Variants in POC1B observed in about 807,000 individuals in gnomAD.
POC1B encodes POC1 centriolar protein B, also known as POC1 centriolar protein homolog B.
A neutral mutation model predicts 60.6 loss-of-function variants in POC1B; 44 were observed. The ratio of observed to expected loss-of-function variants is 0.73; its 90% CI spans 0.57 to 0.93. The LOEUF (loss-of-function observed/expected upper bound fraction) is 0.93, where lower values mean the gene tolerates loss of function less well. Ranked by LOEUF, POC1B falls within the 40% of genes least tolerant of loss-of-function variation. POC1B has a pLI of 0.00. For missense variants in POC1B, 555 were observed against 572.3 expected, an observed-to-expected ratio of 0.97 and a Z score of 0.31; for synonymous variants, 180 against 198.9, an observed-to-expected ratio of 0.90 and a Z score of 0.80.
chr12:89,503,636 C>T (rs1289562984), intron 2 of POC1B, among the ~76,000 whole-genome samples: 2 of 150,590 alleles, frequency 1.3e-5, no homozygotes, highest in Non-Finnish European at 3.0e-5. Flanking sequence ...ATGTGGGGAG[C>T]GCCTCTGCCC....
At chr12:89,486,438 G>A (rs1337729903) in intron 4 of POC1B, among the ~76,000 whole-genome samples, 2 of 151,976 alleles carry the variant, frequency 1.3e-5, no homozygotes, top group Non-Finnish European at 2.9e-5. Context: ...AAAGGCACAA[G>A]GCAAAAAGGG....
intron 4 of POC1B, among the ~76,000 whole-genome samples, chr12:89,487,764 G>T (rs190164359): frequency 9.9e-4 from 151 of 152,130 alleles, no homozygotes; most frequent in African/African-American, 3.5e-3. Context: ...TTCCCTCTTC[G>T]CACCTGACAA....
chr12:89,428,857 T>C (rs1390745080), intron 10 of POC1B: 1 of 152,158 alleles, frequency 6.6e-6, no homozygotes, highest in African/African-American at 2.4e-5. Flanking sequence ...AGCCCGGCTG[T>C]ATGCAGATTT....
At chr12:89,437,407 A>G (rs753145433) in intron 10 of POC1B, among the ~76,000 whole-genome samples, 19 of 152,104 alleles carry the variant, frequency 1.2e-4, no homozygotes, top group Non-Finnish European at 2.2e-4. Flanking sequence ...TGCTGAGGCA[A>G]ACCTGAAATG....
chr12:89,508,070 C>T (rs1391318491), intron 2 of POC1B, among the ~76,000 whole-genome samples: 1 of 152,208 alleles, frequency 6.6e-6, no homozygotes, highest in Non-Finnish European at 1.5e-5. Flanking sequence ...TTCTCCTTCC[C>T]AGAAGCAACC....
At chr12:89,488,930 G>C (rs1398491377) in intron 4 of POC1B, among the ~76,000 whole-genome samples, 1 of 152,160 alleles carries the variant, frequency 6.6e-6, no homozygotes, top group East Asian at 1.9e-4. Context: ...CTGGCTCACA[G>C]TGGGGGCTAA....
At chr12:89,515,881 A>G (rs1436407220) in intron 2 of POC1B, among the ~76,000 whole-genome samples, 1 of 152,010 alleles carries the variant, frequency 6.6e-6, no homozygotes, top group Admixed American at 6.6e-5. Context: ...TCCTTATTCA[A>G]TTATAATCCC....
intron 2 of POC1B, among the ~76,000 whole-genome samples, chr12:89,499,405 C>G (rs962789996): frequency 1.3e-5 from 2 of 152,152 alleles, no homozygotes; most frequent in African/African-American, 2.4e-5. Context: ...ACAATGCTCA[C>G]TACCTGGGTG....
In POC1B at chr12:89,469,391, A is replaced by T. The variant is rs187031278; in HGVS notation, c.810+970T>A. Among the ~76,000 whole-genome samples, 6 of 152,368 alleles carry T rather than the reference A, an allele frequency of 3.9e-5. No individual in the cohort carries two copies. In the East Asian group the frequency reaches 7.7e-4, roughly 20 times the overall value. On this transcript the variant is annotated intron_variant, in intron 7 of 11. Coordinates refer to ENST00000313546, the MANE Select transcript of POC1B (RefSeq NM_172240.3). The stretch of plus-strand genomic sequence containing the variant: ...ATTGAGAAATAAGACAAAGGAATAC[A>T]GCACATAAGAATCGAAATATCACCT...
At chr12:89,466,968 C>G in intron 8 of POC1B, 46 bp from the exon 9 acceptor site, 1 of 1,549,666 alleles carries the variant, frequency 6.5e-7, no homozygotes, top group Non-Finnish European at 8.8e-7. Context: ...CTTGCATGTA[C>G]AAGCAATAGA....
At chr12:89,419,453 C>T (rs1438001010), downstream of POC1B, among the ~76,000 whole-genome samples, 1 of 152,154 alleles carries the variant, frequency 6.6e-6, no homozygotes, top group Non-Finnish European at 1.5e-5. Flanking sequence ...AACTATGTGG[C>T]AACATCAGGT....
At chr12:89,507,290 A>C (rs930927521) in intron 2 of POC1B, among the ~76,000 whole-genome samples, 5 of 150,836 alleles carry the variant, frequency 3.3e-5, no homozygotes, top group African/African-American at 9.7e-5. Flanking sequence ...AAAAAAAAAA[A>C]AACTATGAAA....
chr12:89,425,458 C>G (rs1880724195), intron 10 of POC1B, 79 bp from the exon 11 acceptor site: 2 of 1,159,930 alleles, frequency 1.7e-6, no homozygotes, highest in Admixed American at 2.8e-5. Flanking sequence ...TAAAATATTC[C>G]TCTTCTAAAA....
intron 10 of POC1B, among the ~76,000 whole-genome samples, chr12:89,438,848 T>G (rs1476203723): frequency 6.6e-6 from 1 of 152,218 alleles, no homozygotes; most frequent in Admixed American, 6.5e-5. Flanking sequence ...AAGCTACAGA[T>G]ATGTGTACAC....
chr12:89,432,873 C>CTA lies in POC1B; in HGVS notation c.1114-7496_1114-7495dup, dbSNP rs200583379. The stretch of plus-strand genomic sequence containing the variant: ...CACGTAGATCTTTTTATCCATGGGT[C>CTA]TATGATCACTAGGAAGGAGCCAAAC... On this transcript the variant is annotated intron_variant, in intron 10 of 11. Coordinates refer to ENST00000313546, the MANE Select transcript of POC1B (RefSeq NM_172240.3). Among the ~76,000 whole-genome samples, 6 of 152,264 alleles carry CTA rather than the reference C, an allele frequency of 3.9e-5. No homozygotes were observed. The East Asian group carries it at 9.7e-4, about 25-fold the overall frequency.
the POC1B span, among the ~76,000 whole-genome samples, chr12:89,403,184 T>C: frequency 2.6e-5 from 4 of 151,142 alleles, no homozygotes; most frequent in African/African-American, 9.7e-5. Flanking sequence ...ATTTTTGTAT[T>C]TTTAGTAGAG....
intron 4 of POC1B, among the ~76,000 whole-genome samples, chr12:89,489,001 CTCT>C (rs1868797981): frequency 6.6e-6 from 1 of 152,174 alleles, no homozygotes; most frequent in Non-Finnish European, 1.5e-5. Flanking sequence ...TCTCTGCCTC[CTCT>C]TCTTATTTAC....
At chr12:89,521,499 G>C (rs1427329450) in intron 2 of POC1B, 1 of 152,438 alleles carries the variant, frequency 6.6e-6, no homozygotes, top group South Asian at 2.1e-4. Flanking sequence ...TATGTCAAAA[G>C]TGAAAAGATA....
At chr12:89,480,731 G>A (rs553919200) in intron 4 of POC1B, among the ~76,000 whole-genome samples, 4 of 151,286 alleles carry the variant, frequency 2.6e-5, no homozygotes, top group Non-Finnish European at 5.9e-5. Flanking sequence ...CTCCTGAGTA[G>A]CTGGGACTAC....
Sources: allele counts gnomAD v4.1 joint callset (sites outside exome capture counted in the v4.1 genomes callset), GRCh38; gene constraint gnomAD v4.1.1; transcripts MANE v1.5; gene names NCBI Gene and HGNC (gene_info 2026-07-23, HGNC 2026-07-21).